The following PKHD1 variants were observed in gnomAD, a reference collection of about 807,000 sequenced individuals.
PKHD1 encodes the protein PKHD1 ciliary IPT domain containing fibrocystin/polyductin, also known as fibrocystin.
PKHD1 carries 291 observed loss-of-function variants against 412.0 expected under a neutral mutation model. That is an observed-to-expected ratio of 0.71 (90% CI 0.64 to 0.78). PKHD1 has a LOEUF of 0.78. Among genes scored for constraint, PKHD1 ranks in the 30% least tolerant of loss-of-function variants. The pLI is 0.00. For missense variants in PKHD1, 4,825 were observed against 4,950.7 expected (o/e 0.97, Z 0.76); for synonymous variants, 1,777 against 1,821.5 (o/e 0.98, Z 0.62).
chr6:51,735,650 G>C (rs999505083), intron 60 of PKHD1, among the ~76,000 whole-genome samples: 1 of 152,144 alleles, frequency 6.6e-6, no homozygotes, highest in Non-Finnish European at 1.5e-5. Flanking sequence ...TCGGGGCTGG[G>C]CATGGTGACT....
intron 56 of PKHD1, 111 bp from the exon 57 acceptor site, chr6:51,753,464 T>A (rs561157001): frequency 2.3e-6 from 2 of 859,218 alleles, no homozygotes; most frequent in African/African-American, 3.3e-5. Context: ...CCCTCAGAAG[T>A]TCTACCAACA....
chr6:51,718,202 A>T (rs930981073), intron 60 of PKHD1, among the ~76,000 whole-genome samples: 4 of 152,186 alleles, frequency 2.6e-5, no homozygotes, highest in Non-Finnish European at 5.9e-5. Flanking sequence ...TTGCAGGGGA[A>T]AAAGCACTTC....
chr6:51,940,518 A>T (rs1331159535), intron 36 of PKHD1, among the ~76,000 whole-genome samples: 1 of 151,692 alleles, frequency 6.6e-6, no homozygotes, highest in Non-Finnish European at 1.5e-5. Context: ...CTCCTAAGCC[A>T]TGCCCCATCT....
chr6:51,656,202 A>T (rs997433678), intron 61 of PKHD1, among the ~76,000 whole-genome samples: 1 of 152,156 alleles, frequency 6.6e-6, no homozygotes, highest in African/African-American at 2.4e-5. Context: ...AGACAAGGAC[A>T]AAGCTGGAAG....
At chr6:51,622,188 G>A (rs1011111603) in intron 66 of PKHD1, among the ~76,000 whole-genome samples, 1 of 152,168 alleles carries the variant, frequency 6.6e-6, no homozygotes, top group Non-Finnish European at 1.5e-5. Context: ...GCTATCCTTA[G>A]CCTCTTCCAA....
intron 36 of PKHD1, among the ~76,000 whole-genome samples, chr6:51,937,561 G>C (rs1357753953): frequency 2.0e-5 from 3 of 152,126 alleles, no homozygotes; most frequent in Non-Finnish European, 4.4e-5. Context: ...GCTTTCCTCA[G>C]CTCCTTTCCT....
At chr6:51,714,721 A>G (rs1781052793) in intron 60 of PKHD1, among the ~76,000 whole-genome samples, 1 of 152,166 alleles carries the variant, frequency 6.6e-6, no homozygotes, top group Admixed American at 6.5e-5. Context: ...ATCACTGTAA[A>G]AAGATACACA....
Position 51,900,365 on chromosome 6 carries a change from T to C in PKHD1, c.6996+3232A>G, listed in dbSNP as rs532581522. On this transcript the variant is annotated intron_variant, in intron 43 of 66. Coordinates refer to ENST00000371117, the MANE Select transcript of PKHD1 (RefSeq NM_138694.4). ...AGAACAGAGCCCTCAGAAATAACGC[T>C]GCATATCTACAACTATCTGATCTTT... Among the ~76,000 whole-genome samples the C allele has an allele frequency of 3.9e-3, 588 of 152,054 alleles. 3 individuals carry two copies. Among genetic ancestry groups the C allele is most frequent in the African/African-American group, 0.013 (552 of 41,424 alleles).
intron 36 of PKHD1, among the ~76,000 whole-genome samples, chr6:51,936,273 T>C (rs1004966638): frequency 6.6e-6 from 1 of 152,180 alleles, no homozygotes; most frequent in African/African-American, 2.4e-5. Context: ...AGAAAGGATG[T>C]TGTTCTTACA....
At position 52,028,326 on chromosome 6, in the gene PKHD1, C is replaced by T. The variant is rs1381054653; in HGVS notation, c.3390G>A (p.Val1130=). ...AATCCGTATAGTTCATCAGCCTCGC[C>T]ACTCCAATGACCAGGGTCTCACCGC... The part of the protein sequence containing the change: ...IAGGETLVIG[V]ARLMNYTDLD... The change falls in exon 30 of 67, where the codon GTG becomes GTA. Residue 1130 remains valine, a synonymous_variant. Transcript: ENST00000371117. 1.9e-6 allele frequency: 3 copies of T among 1,613,828 alleles called. No homozygotes were observed. The highest frequency in any genetic ancestry group is 1.7e-6 in the Non-Finnish European group (2 of 1,180,016).
intron 40 of PKHD1, 122 bp downstream of exon 40, chr6:51,909,161 T>C: frequency 1.2e-6 from 1 of 800,442 alleles, no homozygotes; most frequent in Non-Finnish European, 2.2e-6. Flanking sequence ...ACCTAGAATA[T>C]AACAATTATC....
intron 55 of PKHD1, among the ~76,000 whole-genome samples, chr6:51,757,612 A>AT (rs754466871): frequency 3.4e-4 from 51 of 152,238 alleles, no homozygotes; most frequent in Non-Finnish European, 7.1e-4. Context: ...TCAATTTGAC[A>AT]TAAAAAATGC....
intron 36 of PKHD1, among the ~76,000 whole-genome samples, chr6:51,944,592 T>C (rs547437930): frequency 9.2e-4 from 140 of 152,208 alleles, no homozygotes; most frequent in Non-Finnish European, 1.7e-3. Context: ...TATGATTTCA[T>C]CCCCAACAAA....
chr6:51,650,279 A>G (rs1770725044), intron 61 of PKHD1, among the ~76,000 whole-genome samples: 1 of 152,056 alleles, frequency 6.6e-6, no homozygotes, highest in Admixed American at 6.6e-5. Flanking sequence ...AAAATTATAT[A>G]CCTATTGTCC....
At chr6:51,849,378 A>G (rs182917746) in intron 49 of PKHD1, among the ~76,000 whole-genome samples, 1 of 152,304 alleles carries the variant, frequency 6.6e-6, no homozygotes, top group Non-Finnish European at 1.5e-5. Context: ...TCTTTACAGT[A>G]GAATAATTTA....
chr6:52,026,170 G>C lies in PKHD1; in HGVS notation c.3640C>G (p.Leu1214Val). 1 of 1,613,960 alleles carries C rather than the reference G, an allele frequency of 6.2e-7. No homozygotes were observed. The highest frequency in any genetic ancestry group is 8.5e-7 in the Non-Finnish European group (1 of 1,179,958). The change falls in exon 32 of 67, where the codon CTC becomes GTC. Residue 1214 changes from leucine (L) to valine (V), a missense_variant. Physicochemically the swap from Leu to Val is conservative, Grantham distance 32. Coordinates refer to ENST00000371117, the MANE Select transcript of PKHD1 (RefSeq NM_138694.4). ...CCGSLLGGTI[L>V]SISGIGFSRD... The stretch of plus-strand genomic sequence containing the variant: ...CTGAAGCCTATTCCTGAGATGCTGA[G>C]GATGGTCCCTCCTAAAGTATGAATA...
chr6:51,917,750 G>A (rs993504069), intron 37 of PKHD1, among the ~76,000 whole-genome samples: 6 of 152,152 alleles, frequency 3.9e-5, no homozygotes, highest in Admixed American at 3.3e-4. Context: ...GAAGGTATAG[G>A]CACCTAGTGA....
Position 52,050,147 on chromosome 6 carries a change from C to T in PKHD1, c.2279+10G>A, listed in dbSNP as rs1562231926. On this transcript the variant is annotated intron_variant, in intron 22 of 66. Coordinates refer to ENST00000371117, the MANE Select transcript of PKHD1 (RefSeq NM_138694.4). ...GGAGAAGGGACAGGTGTAAAAAAGC[C>T]ACTCCTTACCGTGCAGTGATGAGCG... 1 of 1,613,722 alleles carries T rather than the reference C, an allele frequency of 6.2e-7. No individual in the cohort carries two copies. Among genetic ancestry groups the T allele is most frequent in the Non-Finnish European group, 8.5e-7 (1 of 1,179,888 alleles).
In PKHD1 at chr6:52,054,076, G is replaced by T; in HGVS notation, c.1926C>A (p.Thr642=). ...TCCTCGTGAGACTCCAGTCACAGGTGGTATTCTTTACCATGTTTTGAAAGC... is the reference window on the plus strand; with the variant it reads ...TCCTCGTGAGACTCCAGTCACAGGTTGTATTCTTTACCATGTTTTGAAAGC... The part of the protein sequence containing the change: ...TIGFQNMVKN[T]TCDWSLTRTS... Residue 642 remains threonine, a synonymous_variant, in exon 20 of 67, where the codon ACC becomes ACA. Coordinates refer to ENST00000371117, the MANE Select transcript of PKHD1 (RefSeq NM_138694.4). The T allele has an allele frequency of 6.2e-7, 1 of 1,613,750 alleles. No individual in the cohort carries two copies.
Sources: gnomAD v4.1 joint callset for allele counts (sites outside exome capture counted in the v4.1 genomes callset) on GRCh38, gnomAD v4.1.1 for gene constraint, MANE v1.5 for transcripts, NCBI Gene and HGNC (gene_info 2026-07-23, HGNC 2026-07-21) for gene names.